Variants in ITGA9 observed in about 807,000 individuals in gnomAD.
ITGA9 encodes the protein integrin alpha-9.
In ITGA9, 56 loss-of-function variants were observed where a neutral mutation model predicts 127.8. That is an observed-to-expected ratio of 0.44 (90% CI 0.35 to 0.55). The LOEUF is 0.55. Ranked by LOEUF, ITGA9 falls within the 20% of genes least tolerant of loss-of-function variation. The pLI is 0.00. For missense variants in ITGA9, 1,196 were observed against 1,347.1 expected, an observed-to-expected ratio of 0.89 and a Z score of 1.76; for synonymous variants, 508 against 514.5, an observed-to-expected ratio of 0.99 and a Z score of 0.17.
intron 27 of ITGA9, among the ~76,000 whole-genome samples, chr3:37,815,481 C>A (rs115286181): frequency 0.035 from 5,259 of 152,104 alleles, 117 homozygotes; most frequent in Middle Eastern, 0.054. Flanking sequence ...GGGTGGTACA[C>A]GCCTGCAGTC....
Position 37,682,652 on chromosome 3 carries a change from A to G in ITGA9, c.1917-1213A>G, listed in dbSNP as rs144232988. On this transcript the variant is annotated intron_variant, in intron 17 of 27. Coordinates refer to ENST00000264741, the MANE Select transcript of ITGA9 (RefSeq NM_002207.3). ...GCCTCAAAATCTCCTTTAAAACCCA[A>G]TAGGCATTTGGATTTTCTCTGCTGA... 3.3e-5 allele frequency among the ~76,000 whole-genome samples: 5 copies of G among 152,202 alleles called. No homozygotes were observed. The East Asian group carries it at 7.7e-4, about 24-fold the overall frequency.
At position 37,729,700 on chromosome 3, in the gene ITGA9, C is replaced by CTT. The variant is rs34875348; in HGVS notation, c.2068-2991_2068-2990dup. ...TTGGGGCAATAAATCTTTTTGATTTCTTTTTTTTTTTTTTTTTTTTTTGAG... is the reference window on the plus strand; with the variant it reads ...TTGGGGCAATAAATCTTTTTGATTTCTTTTTTTTTTTTTTTTTTTTTTTTGAG... On this transcript the variant is annotated intron_variant, in intron 18 of 27. Transcript: ENST00000264741. 3.8e-3 allele frequency among the ~76,000 whole-genome samples: 317 copies of CTT among 84,080 alleles called. 1 individual carries two copies. The highest frequency in any genetic ancestry group is 7.3e-3 in the African/African-American group (159 of 21,818). 55.2% of individuals were successfully genotyped at this position (84,080 alleles called of 152,430 possible).
chr3:37,568,058 T>G (rs566882800), intron 15 of ITGA9, among the ~76,000 whole-genome samples: 84 of 152,376 alleles, frequency 5.5e-4, no homozygotes, highest in African/African-American at 2.0e-3. Flanking sequence ...AGGTTCTTTA[T>G]GAGGGCCCCC....
intron 20 of ITGA9, among the ~76,000 whole-genome samples, chr3:37,737,191 T>G (rs1696373878): frequency 6.6e-6 from 1 of 152,150 alleles, no homozygotes; most frequent in African/African-American, 2.4e-5. Context: ...CACTGCAGAT[T>G]GAACTGAGAG....
intron 17 of ITGA9, among the ~76,000 whole-genome samples, chr3:37,678,785 G>A (rs1249483742): frequency 2.0e-5 from 3 of 152,126 alleles, no homozygotes; most frequent in Non-Finnish European, 4.4e-5. Flanking sequence ...CAGCATATGT[G>A]GTTGATATGG....
chr3:37,635,804 C>T (rs1250218611), intron 16 of ITGA9, among the ~76,000 whole-genome samples: 4 of 140,656 alleles, frequency 2.8e-5, no homozygotes, highest in Admixed American at 1.5e-4. Flanking sequence ...CAACCGTCCC[C>T]GGTGTGTGAT....
At chr3:37,630,030 A>G (rs1700215723) in intron 16 of ITGA9, among the ~76,000 whole-genome samples, 1 of 152,160 alleles carries the variant, frequency 6.6e-6, no homozygotes, top group African/African-American at 2.4e-5. Flanking sequence ...CAAGATCACC[A>G]CAGATTCAGA....
At chr3:37,677,362 C>G (rs1428983573) in intron 17 of ITGA9, among the ~76,000 whole-genome samples, 1 of 151,898 alleles carries the variant, frequency 6.6e-6, no homozygotes, top group Non-Finnish European at 1.5e-5. Context: ...AACAAAGTAC[C>G]CAGAAAGAAG....
At chr3:37,603,969 T>A (rs1699944894) in intron 15 of ITGA9, among the ~76,000 whole-genome samples, 1 of 152,210 alleles carries the variant, frequency 6.6e-6, no homozygotes, top group Non-Finnish European at 1.5e-5. Flanking sequence ...CTGAGCCCAG[T>A]CCTAACTGCT....
chr3:37,478,624 G>C (rs1698518982), intron 3 of ITGA9, among the ~76,000 whole-genome samples: 1 of 152,140 alleles, frequency 6.6e-6, no homozygotes, highest in African/African-American at 2.4e-5. Flanking sequence ...AACTCATTTG[G>C]AGAGATTGAT....
intron 15 of ITGA9, among the ~76,000 whole-genome samples, chr3:37,596,702 C>A (rs1699874090): frequency 6.6e-6 from 1 of 151,960 alleles, no homozygotes; most frequent in African/African-American, 2.4e-5. Flanking sequence ...GGACCATACC[C>A]AAAACACAAG....
At position 37,670,918 on chromosome 3, in the gene ITGA9, G is replaced by A. The variant is rs11129770; in HGVS notation, c.1917-12947G>A. On this transcript the variant is annotated intron_variant, in intron 17 of 27. Transcript: ENST00000264741. ...AATTACTTGTCAAGGGACTATGATG[G>A]CCCTGCTAACCTGGGCTTTCTTGAG... Among the ~76,000 whole-genome samples the A allele has an allele frequency of 6.7e-3, 1,017 of 152,330 alleles. 14 individuals carry two copies. The highest frequency in any genetic ancestry group is 0.023 in the African/African-American group (956 of 41,580).
Position 37,750,041 on chromosome 3 carries a change from T to C in ITGA9, c.2434-421T>C, listed in dbSNP as rs535343731. Among the ~76,000 whole-genome samples the C allele has an allele frequency of 5.8e-5, 8 of 137,372 alleles. No individual in the cohort carries two copies. In the South Asian group the frequency reaches 2.1e-3, roughly 36 times the overall value. 90.1% of individuals were successfully genotyped at this position (137,372 alleles called of 152,430 possible). On this transcript the variant is annotated intron_variant, in intron 22 of 27. Transcript: ENST00000264741. ...GTCAGAAACTCGGCATGACCCCCAC[T>C]CCATACCCCCCCACCAAAATGTGTT...
intron 25 of ITGA9, 66 bp downstream of exon 25, chr3:37,780,087 T>A (rs1293825469): frequency 3.8e-6 from 6 of 1,598,698 alleles, no homozygotes; most frequent in Non-Finnish European, 5.1e-6. Context: ...CATCTGATTT[T>A]GGGTAAAAAA....
intron 25 of ITGA9, among the ~76,000 whole-genome samples, chr3:37,783,729 A>G (rs1387427145): frequency 6.6e-6 from 1 of 152,210 alleles, no homozygotes; most frequent in Non-Finnish European, 1.5e-5. Flanking sequence ...GTAAAAGATT[A>G]TTTGTTGCTT....
chr3:37,623,661 G>A (rs1046579226), intron 15 of ITGA9, among the ~76,000 whole-genome samples: 1 of 133,994 alleles, frequency 7.5e-6, no homozygotes, highest in Non-Finnish European at 1.6e-5. Flanking sequence ...TTAAACAGGG[G>A]TGTGTGTGTG....
intron 27 of ITGA9, chr3:37,818,127 T>C (rs946119165): frequency 3.4e-5 from 5 of 148,260 alleles, no homozygotes; most frequent in Non-Finnish European, 7.4e-5. Context: ...AGGTCCCTGG[T>C]TTTTTTCCCC....
At chr3:37,656,322 T>C (rs933690457) in intron 17 of ITGA9, among the ~76,000 whole-genome samples, 6 of 152,212 alleles carry the variant, frequency 3.9e-5, no homozygotes, top group Admixed American at 3.3e-4. Context: ...TTTGTTTCCA[T>C]GAGCACAGAC....
At position 37,552,652 on chromosome 3, in the gene ITGA9, T is replaced by G. The variant is rs147573784; in HGVS notation, c.1689+10067T>G. Among the ~76,000 whole-genome samples the G allele has an allele frequency of 3.6e-3, 551 of 152,306 alleles. 5 individuals are homozygous for G. Among genetic ancestry groups the G allele is most frequent in the African/African-American group, 0.012 (505 of 41,554 alleles). ...GCGCTCTCTTTCTCTCTTGGGCGTA[T>G]GCGTGTGTGCATGCATGTACTCCAG... is the stretch of plus-strand genomic sequence containing the variant. On this transcript the variant is annotated intron_variant, in intron 15 of 27. Coordinates refer to ENST00000264741, the MANE Select transcript of ITGA9 (RefSeq NM_002207.3).
Sources: allele counts gnomAD v4.1 joint callset (sites outside exome capture counted in the v4.1 genomes callset), GRCh38; gene constraint gnomAD v4.1.1; transcripts MANE v1.5; gene names NCBI Gene and HGNC (gene_info 2026-07-23, HGNC 2026-07-21).